Variants in FHIT observed in about 807,000 individuals in gnomAD.
FHIT encodes the protein bis(5'-adenosyl)-triphosphatase.
Under a neutral mutation model 17.9 loss-of-function variants are expected in FHIT, and 19 were observed. That is an observed-to-expected ratio of 1.06 (90% CI 0.74 to 1.56). The LOEUF is 1.56. Ranked by LOEUF, FHIT falls within the 40% of genes most tolerant of loss-of-function variation. The probability of loss-of-function intolerance (pLI) is 0.00; values close to 1 mark genes in which losing one functional copy is unlikely to be tolerated. For synonymous variants in FHIT, 81 were observed against 69.7 expected (o/e 1.16, Z -0.81); for missense variants, 248 against 189.2 (o/e 1.31, Z -1.82).
intron 5 of FHIT, among the ~76,000 whole-genome samples, chr3:60,264,334 T>C (rs927895547): frequency 2.6e-5 from 4 of 151,938 alleles, no homozygotes; most frequent in Non-Finnish European, 5.9e-5. Flanking sequence ...CATTTAGCCA[T>C]GCACTCACTG....
chr3:60,072,127 A>G (rs1001321106), intron 5 of FHIT, among the ~76,000 whole-genome samples: 3 of 152,358 alleles, frequency 2.0e-5, no homozygotes, highest in East Asian at 1.9e-4. Flanking sequence ...AAGGTAGAGG[A>G]GGAGAAACCA....
intron 5 of FHIT, among the ~76,000 whole-genome samples, chr3:60,284,864 C>G (rs1707645826): frequency 6.6e-6 from 1 of 152,060 alleles, no homozygotes; most frequent in Non-Finnish European, 1.5e-5. Flanking sequence ...GTTCCCCAAG[C>G]CCACTCAAGG....
intron 3 of FHIT, among the ~76,000 whole-genome samples, chr3:61,022,813 C>G (rs1301329796): frequency 1.3e-5 from 2 of 152,126 alleles, no homozygotes; most frequent in African/African-American, 4.8e-5. Flanking sequence ...GCTAAAAACG[C>G]TCAATAAACT....
At chr3:60,710,112 CAATTA>C in intron 4 of FHIT, among the ~76,000 whole-genome samples, 1 of 146,956 alleles carries the variant, frequency 6.8e-6, no homozygotes, top group Non-Finnish European at 1.5e-5. Flanking sequence ...AATCAAAATG[CAATTA>C]AATTAATAAT....
At chr3:60,524,202 AC>A (rs2035486399) in intron 5 of FHIT, among the ~76,000 whole-genome samples, 1 of 654 alleles carries the variant, frequency 1.5e-3, no homozygotes, top group African/African-American at 2.1e-3. Flanking sequence ...CCTGAGACAC[AC>A]ACACACACAC....
chr3:60,362,242 C>G (rs1182874978), intron 5 of FHIT, among the ~76,000 whole-genome samples: 2 of 152,180 alleles, frequency 1.3e-5, no homozygotes, highest in Admixed American at 6.5e-5. Context: ...AAAAAAATCC[C>G]TAATACAATA....
intron 5 of FHIT, among the ~76,000 whole-genome samples, chr3:60,530,604 C>A (rs545822171): frequency 6.6e-6 from 1 of 152,298 alleles, no homozygotes; most frequent in Admixed American, 6.5e-5. Flanking sequence ...CAGTTACTGC[C>A]TTCTGACCCC....
At chr3:60,770,625 G>A (rs188106781) in intron 4 of FHIT, among the ~76,000 whole-genome samples, 248 of 152,268 alleles carry the variant, frequency 1.6e-3, no homozygotes, top group Non-Finnish European at 2.9e-3. Flanking sequence ...TAAATCCTTC[G>A]TATCCTAGAT....
At chr3:60,539,823 G>A (rs2036121133) in intron 4 of FHIT, among the ~76,000 whole-genome samples, 1 of 152,026 alleles carries the variant, frequency 6.6e-6, no homozygotes, top group South Asian at 2.1e-4. Flanking sequence ...GATAGCATTA[G>A]GAGATATACC....
At chr3:60,921,393 A>G (rs1416735079) in intron 3 of FHIT, among the ~76,000 whole-genome samples, 2 of 152,190 alleles carry the variant, frequency 1.3e-5, no homozygotes, top group Non-Finnish European at 2.9e-5. Flanking sequence ...TCAAGAGTGC[A>G]TGAGAAAGAA....
chr3:61,071,543 T>A (rs565627301), intron 2 of FHIT, among the ~76,000 whole-genome samples: 3 of 152,202 alleles, frequency 2.0e-5, no homozygotes, highest in African/African-American at 7.2e-5. Context: ...ATCTATAAAA[T>A]GGATTGCTAT....
chr3:60,396,621 A>G (rs1360098342), intron 5 of FHIT, among the ~76,000 whole-genome samples: 2 of 152,180 alleles, frequency 1.3e-5, no homozygotes, highest in East Asian at 3.8e-4. Flanking sequence ...AACACAGATT[A>G]ATGCTTATCA....
chr3:60,998,052 G>T (rs905502431), intron 3 of FHIT, among the ~76,000 whole-genome samples: 7 of 152,154 alleles, frequency 4.6e-5, no homozygotes, highest in Non-Finnish European at 7.4e-5. Context: ...TGATGATGAA[G>T]AAACTCAGGC....
chr3:60,832,687 TA>T lies in FHIT; in HGVS notation c.-110-10677del, dbSNP rs879964941. Reference sequence around the variant, plus strand: ...TAATGTGCTGCTTTAAATCAATTCATAAAAAAAAAAAAAAGCACAGAGGCAC... The same window carrying T: ...TAATGTGCTGCTTTAAATCAATTCATAAAAAAAAAAAAAGCACAGAGGCAC... On this transcript the variant is annotated intron_variant, in intron 3 of 9. Coordinates refer to ENST00000492590, the MANE Select transcript of FHIT (RefSeq NM_002012.4). 9.2e-3 allele frequency among the ~76,000 whole-genome samples: 1,217 copies of T among 132,742 alleles called. 10 individuals are homozygous for T. The highest frequency in any genetic ancestry group is 0.031 in the Middle Eastern group (8 of 254). 87.1% of individuals were successfully genotyped at this position (132,742 alleles called of 152,430 possible).
intron 7 of FHIT, among the ~76,000 whole-genome samples, chr3:59,998,404 AGT>A (rs1490074805): frequency 2.0e-5 from 3 of 152,134 alleles, no homozygotes; most frequent in South Asian, 2.1e-4. Context: ...AATATTGCCT[AGT>A]AAGCCACCAG....
intron 3 of FHIT, among the ~76,000 whole-genome samples, chr3:60,870,157 A>G (rs185116998): frequency 1.4e-3 from 215 of 152,272 alleles, no homozygotes; most frequent in Middle Eastern, 3.4e-3. Flanking sequence ...TTCAGCATGT[A>G]TGAGCAACAG....
chr3:60,615,091 G>T (rs1049270011), intron 4 of FHIT, among the ~76,000 whole-genome samples: 1 of 152,030 alleles, frequency 6.6e-6, no homozygotes, highest in Non-Finnish European at 1.5e-5. Flanking sequence ...GCCTCCCAAA[G>T]TGCTGGGATT....
At chr3:60,463,516 C>G (rs1447970) in intron 5 of FHIT, among the ~76,000 whole-genome samples, 1 of 151,938 alleles carries the variant, frequency 6.6e-6, no homozygotes, top group African/African-American at 2.4e-5. Flanking sequence ...TACTCCTCTC[C>G]CCCGCCATCC....
chr3:60,121,277 A>G (rs1705233797), intron 5 of FHIT, among the ~76,000 whole-genome samples: 1 of 152,186 alleles, frequency 6.6e-6, no homozygotes, highest in African/African-American at 2.4e-5. Flanking sequence ...TGATCTATAT[A>G]TAATCGATAA....
Sources: allele counts gnomAD v4.1 joint callset (sites outside exome capture counted in the v4.1 genomes callset), GRCh38; gene constraint gnomAD v4.1.1; transcripts MANE v1.5; gene names NCBI Gene and HGNC (gene_info 2026-07-23, HGNC 2026-07-21).